KLF3: variants seen among roughly 807,000 people sequenced by gnomAD.
KLF3 encodes Krueppel-like factor 3.
KLF3 carries 6 observed loss-of-function variants against 32.7 expected under a neutral mutation model. The ratio of observed to expected loss-of-function variants is 0.18; its 90% CI spans 0.10 to 0.36. The LOEUF (loss-of-function observed/expected upper bound fraction) is 0.36, where lower values mean the gene tolerates loss of function less well. Ranked by LOEUF, KLF3 falls within the 10% of genes least tolerant of loss-of-function variation. The pLI is 1.00. For missense variants in KLF3, 338 were observed against 449.7 expected (o/e 0.75, Z 2.25); for synonymous variants, 145 against 172.8 (o/e 0.84, Z 1.26).
chr4:38,690,120 C>A, intron 4 of KLF3: 3 of 424,574 alleles, frequency 7.1e-6, no homozygotes, highest in East Asian at 3.8e-5. Flanking sequence ...ATCAGTCATC[C>A]ATGATTTTGC....
chr4:38,692,704 A>G (rs1722908651), intron 4 of KLF3, among the ~76,000 whole-genome samples: 1 of 152,116 alleles, frequency 6.6e-6, no homozygotes, highest in Admixed American at 6.5e-5. Flanking sequence ...GTGTAAAATA[A>G]ACAACTGGAA....
At chr4:38,667,170 A>T (rs900002719) in intron 1 of KLF3, among the ~76,000 whole-genome samples, 5 of 152,204 alleles carry the variant, frequency 3.3e-5, no homozygotes, top group African/African-American at 1.2e-4. Flanking sequence ...TTGTTGTCTT[A>T]AAAAACTCCA....
intron 1 of KLF3, among the ~76,000 whole-genome samples, chr4:38,666,685 G>A (rs527747865): frequency 6.6e-6 from 1 of 152,258 alleles, no homozygotes. Flanking sequence ...ATGTTGAACA[G>A]ATGAGCAGCT....
chr4:38,669,564 A>G (rs932510723), intron 1 of KLF3, among the ~76,000 whole-genome samples: 3 of 152,094 alleles, frequency 2.0e-5, no homozygotes, highest in African/African-American at 7.2e-5. Context: ...CAGTTTCTGA[A>G]CCAAAACTAG....
At position 38,688,619 on chromosome 4, in the gene KLF3, C is replaced by G; in HGVS notation, c.92C>G (p.Pro31Arg). The change falls in exon 3 of 6, where the codon CCT (proline) becomes CGT (arginine). Residue 31 changes from proline to arginine, a missense_variant. Around this residue, in one of 2 missense-constraint regions of KLF3, gnomAD observed 272 missense variants for 313.4 expected, o/e 0.87. Transcript: ENST00000261438. This position sits in a 1 kb window ranked among gnomAD's most constrained non-coding sequence, Gnocchi z 4.9. ...TCTAATTACATGGAATCCATGAAGC[C>G]TAACAAGTATGGGGTCATCTACTCC... is the stretch of plus-strand genomic sequence containing the variant. ...YPSNYMESMK[P>R]NKYGVIYSTP... The G allele has an allele frequency of 1.2e-6, 2 of 1,611,506 alleles. No homozygotes were observed. The highest frequency in any genetic ancestry group is 1.7e-6 in the Non-Finnish European group (2 of 1,177,824).
At chr4:38,678,041 A>G (rs975890063) in intron 1 of KLF3, among the ~76,000 whole-genome samples, 3 of 152,112 alleles carry the variant, frequency 2.0e-5, no homozygotes, top group Admixed American at 6.5e-5. Context: ...TCTCAAAACC[A>G]TGGCTCCTTC....
At chr4:38,689,308 A>G (rs1433315661) in intron 3 of KLF3, among the ~76,000 whole-genome samples, 1 of 152,210 alleles carries the variant, frequency 6.6e-6, no homozygotes, top group East Asian at 1.9e-4. Flanking sequence ...GTAATGGTCA[A>G]CTTGGGGATA....
rs73134258 is a variant in KLF3, at chr4:38,677,283, C to T, written c.-39-3304C>T. Among the ~76,000 whole-genome samples, 473 of 152,212 alleles carry T rather than the reference C, an allele frequency of 3.1e-3. 3 individuals are homozygous for T. The highest frequency in any genetic ancestry group is 0.011 in the African/African-American group (452 of 41,518). Reference sequence around the variant, plus strand: ...GTCAGTGCCAGCGTTTTATACTAGACTATGTTTCTCTTAGGATTACAAGTC... The same window carrying T: ...GTCAGTGCCAGCGTTTTATACTAGATTATGTTTCTCTTAGGATTACAAGTC... On this transcript the variant is annotated intron_variant, in intron 1 of 5. Coordinates refer to ENST00000261438, the MANE Select transcript of KLF3 (RefSeq NM_016531.6).
rs570430277 is a variant in KLF3, at chr4:38,671,907, C to T, written c.-40+7446C>T. Among the ~76,000 whole-genome samples the T allele has an allele frequency of 6.6e-6, 1 of 152,262 alleles. No individual in the cohort carries two copies. Among genetic ancestry groups the T allele is most frequent in the South Asian group, 2.1e-4 (1 of 4,826 alleles). ...ACACCCCTTCCCCTTGCAGTTCCCC[C>T]CCACCTGCCTCCTCTCCTCCCTTTC... is the stretch of plus-strand genomic sequence containing the variant. On this transcript the variant is annotated intron_variant, in intron 1 of 5. Transcript: ENST00000261438. This position sits in a 1 kb window ranked among gnomAD's most constrained non-coding sequence, Gnocchi z 4.4.
intron 1 of KLF3, among the ~76,000 whole-genome samples, chr4:38,668,480 A>G (rs1722106463): frequency 1.3e-5 from 2 of 152,198 alleles, no homozygotes; most frequent in South Asian, 2.1e-4. Flanking sequence ...TTCTTTATGT[A>G]TAAATGGAAA....
At position 38,699,819 on chromosome 4, in the gene KLF3, T is replaced by C. The variant is rs912791278; in HGVS notation, c.*2556T>C. The stretch of plus-strand genomic sequence containing the variant: ...ATTGGCCCTTACCAAACTTTTCTTA[T>C]ATATATATTTGTATTTTACTATGAT... On this transcript the variant is annotated 3_prime_UTR_variant, in exon 6 of 6. Coordinates refer to ENST00000261438, the MANE Select transcript of KLF3 (RefSeq NM_016531.6). The C allele has an allele frequency of 6.6e-6, 1 of 152,210 alleles. No individual in the cohort carries two copies. The highest frequency in any genetic ancestry group is 2.4e-5 in the African/African-American group (1 of 41,448). The allele number at this position is 152,210 out of a possible 1,614,324, so 9.4% of individuals were successfully genotyped here. A position where few individuals can be genotyped will look rare whatever the true frequency, so the allele number is the denominator to read the frequency against.
chr4:38,664,409 C>T lies in KLF3; in HGVS notation c.-92C>T, dbSNP rs1441361910. 2 of 152,122 alleles carry T rather than the reference C, an allele frequency of 1.3e-5. No homozygotes were observed. Among genetic ancestry groups the T allele is most frequent in the Non-Finnish European group, 2.9e-5 (2 of 68,018 alleles). 9.4% of individuals were successfully genotyped at this position (152,122 alleles called of 1,614,324 possible). On this transcript the variant is annotated 5_prime_UTR_variant, in exon 1 of 6. Transcript: ENST00000261438. ...TGCGCTCGGGGGGCTCCAGGCAGCC[C>T]GTATCGGGGCCTTTATTTCTCGTCG...
chr4:38,695,038 G>A, intron 5 of KLF3, 132 bp downstream of exon 5: 1 of 766,888 alleles, frequency 1.3e-6, no homozygotes, highest in Non-Finnish European at 2.0e-6. Flanking sequence ...GTCTTCTCCA[G>A]ATTAGTTGTG....
intron 2 of KLF3, chr4:38,680,907 G>C: frequency 2.6e-6 from 1 of 378,494 alleles, no homozygotes. Flanking sequence ...CAAATTAGCC[G>C]GGCGTGGTGG....
chr4:38,675,187 G>A (rs1044022865), intron 1 of KLF3, among the ~76,000 whole-genome samples: 8 of 152,210 alleles, frequency 5.3e-5, no homozygotes, highest in African/African-American at 1.9e-4. Context: ...AAGTGCAGGT[G>A]GAAAGAGCAT....
chr4:38,675,407 G>A (rs749709591), intron 1 of KLF3, among the ~76,000 whole-genome samples: 19 of 151,372 alleles, frequency 1.3e-4, no homozygotes, highest in Non-Finnish European at 2.4e-4. Flanking sequence ...CCTTTTGGAT[G>A]CAGTTTTGTT....
intron 1 of KLF3, among the ~76,000 whole-genome samples, chr4:38,668,138 TTTTG>T (rs1722097054): frequency 6.6e-6 from 1 of 152,242 alleles, no homozygotes; most frequent in Non-Finnish European, 1.5e-5. Context: ...CTCTTCTCAT[TTTTG>T]TTTTACAATA....
At chr4:38,696,186 G>GAAAAAA (rs57996051) in intron 5 of KLF3, among the ~76,000 whole-genome samples, 2 of 99,264 alleles carry the variant, frequency 2.0e-5, no homozygotes, top group African/African-American at 3.9e-5. Context: ...TTAGATGTAG[G>GAAAAAA]AAAAAAAAAA....
At chr4:38,685,675 A>G (rs925018264) in intron 2 of KLF3, among the ~76,000 whole-genome samples, 8 of 152,202 alleles carry the variant, frequency 5.3e-5, no homozygotes, top group Non-Finnish European at 1.0e-4. Flanking sequence ...GGTCATAGGG[A>G]GGTCTTGGAA....
Sources: allele counts gnomAD v4.1 joint callset (sites outside exome capture counted in the v4.1 genomes callset), GRCh38; gene constraint gnomAD v4.1.1; regional missense constraint gnomAD v4.1.1; non-coding constraint Gnocchi (gnomAD v3.1); transcripts MANE v1.5; gene names NCBI Gene and HGNC (gene_info 2026-07-23, HGNC 2026-07-21).